Variants in NLRC3 observed in about 807,000 individuals in gnomAD.
NLRC3 encodes NLR family CARD domain-containing protein 3.
A neutral mutation model predicts 91.6 loss-of-function variants in NLRC3; 87 were observed. The observed-to-expected ratio is 0.95, with a 90% CI of 0.80 to 1.14. NLRC3 has a LOEUF of 1.14. NLRC3 is among the 50% of genes most tolerant of loss of function. The pLI is 0.00. For synonymous variants in NLRC3, 694 were observed against 625.3 expected (o/e 1.11, Z -1.64); for missense variants, 1,577 against 1,418.6 (o/e 1.11, Z -1.79).
At chr16:3,544,442 C>T (rs2038581680) in intron 15 of NLRC3, 113 bp from the exon 16 acceptor site, 3 of 706,184 alleles carry the variant, frequency 4.2e-6, no homozygotes, top group Non-Finnish European at 5.0e-6. Flanking sequence ...CATAGACACT[C>T]CCAGGGTTTC....
At chr16:3,551,766 C>T (rs970297521) in intron 10 of NLRC3, among the ~76,000 whole-genome samples, 5 of 111,526 alleles carry the variant, frequency 4.5e-5, no homozygotes, top group African/African-American at 7.0e-5. Flanking sequence ...AGTCCTCTCA[C>T]CCATCCATCC....
At chr16:3,576,624 G>A (rs1239163692) in intron 1 of NLRC3, among the ~76,000 whole-genome samples, 1 of 152,132 alleles carries the variant, frequency 6.6e-6, no homozygotes, top group Admixed American at 6.5e-5. Context: ...GACCTGTCCT[G>A]GGCCATTCTT....
In NLRC3 at chr16:3,564,799, A is replaced by G; in HGVS notation, c.179-41T>C. 3.2e-6 allele frequency: 5 copies of G among 1,567,988 alleles called. No individual in the cohort carries two copies. Among genetic ancestry groups the G allele is most frequent in the Non-Finnish European group, 4.3e-6 (5 of 1,159,222 alleles). ...CAGTGGGGAGGTCTGGTAAGGGAAG[A>G]GTGGGCACAATCAGCCCAGGTGTTC... On this transcript the variant is annotated intron_variant, in intron 4 of 19. Transcript: ENST00000359128. The surrounding 1 kb of genome is among the most constrained non-coding windows in gnomAD (Gnocchi z 5.9).
rs2038578451 is a variant in NLRC3, at chr16:3,544,397, A to C, written c.2772-68T>G. The C allele has an allele frequency of 3.3e-5, 37 of 1,114,658 alleles. No individual in the cohort carries two copies. In the South Asian group the frequency reaches 4.1e-4, roughly 12 times the overall value. The allele number at this position is 1,114,658 out of a possible 1,614,324, so 69.0% of individuals were successfully genotyped here. On this transcript the variant is annotated intron_variant, in intron 15 of 19. Transcript: ENST00000359128. ...GAGCATTCTAGCAAGGCCCTGCCGCACTTGGACCTGCCAGGTTTAACCGAC... is the reference window on the plus strand; with the variant it reads ...GAGCATTCTAGCAAGGCCCTGCCGCCCTTGGACCTGCCAGGTTTAACCGAC...
rs772978186 is a variant in NLRC3, at chr16:3,564,979, A to G, written c.58T>C (p.Ser20Pro). The change falls in exon 4 of 20, where the codon TCC (serine) becomes CCC (proline). Residue 20 changes from serine to proline, a missense_variant. Coordinates refer to ENST00000359128, the MANE Select transcript of NLRC3 (RefSeq NM_178844.4). The surrounding 1 kb of genome is among the most constrained non-coding windows in gnomAD (Gnocchi z 5.9). ...REAGQGHGTG[S>P]PAEQVKALMD... ...AGGGCTTTCACCTGCTCGGCTGGGG[A>G]GCCCGTACCGTGGCCCTGGCCGGCC... 6 of 1,610,338 alleles carry G rather than the reference A, an allele frequency of 3.7e-6. No homozygotes were observed. The highest frequency in any genetic ancestry group is 4.2e-6 in the Non-Finnish European group (5 of 1,179,730).
chr16:3,543,972 G>A (rs754175465), intron 16 of NLRC3: 2 of 418,790 alleles, frequency 4.8e-6, no homozygotes, highest in Non-Finnish European at 8.7e-6. Flanking sequence ...TGGCCAATAT[G>A]GTGAAACCCC....
Position 3,562,720 on chromosome 16 carries a change from G to A in NLRC3, c.1928+289C>T, listed in dbSNP as rs182177331. Among the ~76,000 whole-genome samples the A allele has an allele frequency of 4.3e-4, 66 of 152,186 alleles. 1 individual carries two copies. The highest frequency in any genetic ancestry group is 3.4e-3 in the Middle Eastern group (1 of 294). ...AGGCGACGGGAGAGACTGAAGTAAC[G>A]CAGCCTTAAGCCAAGGGTTCCCATC... On this transcript the variant is annotated intron_variant, in intron 5 of 19. Transcript: ENST00000359128.
rs2039403330 is a variant in NLRC3 at position 3,557,577 on chromosome 16, G to C, written c.2099+16C>G. The C allele has an allele frequency of 3.2e-6, 5 of 1,575,114 alleles. No homozygotes were observed. In the South Asian group the frequency reaches 3.3e-5, roughly 11 times the overall value. Reference sequence around the variant, plus strand: ...GTTCCAATGGCAAAAGTTCGGCCTTGGTTGTCCTTACTTACTCCAGAGAGG... The same window carrying C: ...GTTCCAATGGCAAAAGTTCGGCCTTCGTTGTCCTTACTTACTCCAGAGAGG... On this transcript the variant is annotated intron_variant, in intron 7 of 19. Coordinates refer to ENST00000359128, the MANE Select transcript of NLRC3 (RefSeq NM_178844.4).
Position 3,544,499 on chromosome 16 carries a change from C to T in NLRC3, c.2772-170G>A, listed in dbSNP as rs116879466. 8.4e-3 allele frequency: 5,115 copies of T among 605,596 alleles called. 39 individuals are homozygous for T. Among genetic ancestry groups the T allele is most frequent in the Non-Finnish European group, 0.011 (3,750 of 335,356 alleles). 37.5% of individuals were successfully genotyped at this position (605,596 alleles called of 1,614,324 possible). ...CCACAGGCCCTGCAGCCCGCCGCCTCATACTAAGCACACAGAGGCGTCTGG... is the reference window on the plus strand; with the variant it reads ...CCACAGGCCCTGCAGCCCGCCGCCTTATACTAAGCACACAGAGGCGTCTGG... On this transcript the variant is annotated intron_variant, in intron 15 of 19. Transcript: ENST00000359128.
chr16:3,557,674 A>G lies in NLRC3; in HGVS notation c.2018T>C (p.Leu673Ser). The change falls in exon 7 of 20, where the codon TTG becomes TCG. Residue 673 changes from leucine to serine, a missense_variant and splice_region_variant. Coordinates refer to ENST00000359128, the MANE Select transcript of NLRC3 (RefSeq NM_178844.4). ...TTTGTTACTGATCTGGTTCTCCGCC[A>G]AGCTGCCCAAGGAAAGGGAGAGGAG... ...GKDCRIQKISLAENQISNKGA... is the reference protein window; with the variant it reads ...GKDCRIQKISSAENQISNKGA... The G allele has an allele frequency of 1.9e-6, 3 of 1,611,294 alleles. No homozygotes were observed. Among genetic ancestry groups the G allele is most frequent in the Non-Finnish European group, 2.5e-6 (3 of 1,177,766 alleles).
intron 12 of NLRC3, among the ~76,000 whole-genome samples, 168 bp downstream of exon 12, chr16:3,549,529 G>A (rs78572434): frequency 0.05 from 7,675 of 152,200 alleles, 253 homozygotes; most frequent in Admixed American, 0.073. Flanking sequence ...GGGCCACTGC[G>A]GGCAGCAGCT....
In NLRC3 at chr16:3,562,897, C is replaced by T. The variant is rs147125672; in HGVS notation, c.1928+112G>A. On this transcript the variant is annotated intron_variant, in intron 5 of 19. Transcript: ENST00000359128. ...TTTAAGCCACCAAGTTCATGGTCCT[C>T]TGTTACGGCAGCCCTAGGAGACTGA... The T allele has an allele frequency of 5.3e-4, 525 of 987,846 alleles. 1 individual carries two copies. The African/African-American group carries it at 7.1e-3, about 13-fold the overall frequency. 61.2% of individuals were successfully genotyped at this position (987,846 alleles called of 1,614,324 possible).
chr16:3,545,874 T>C (rs1051211515), intron 15 of NLRC3: 4 of 152,350 alleles, frequency 2.6e-5, no homozygotes, highest in African/African-American at 9.7e-5. Flanking sequence ...GTGTGTACTT[T>C]ACTCTGCAGG....
At chr16:3,569,238 C>T (rs1243372425) in intron 1 of NLRC3, among the ~76,000 whole-genome samples, 2 of 149,076 alleles carry the variant, frequency 1.3e-5, no homozygotes, top group Non-Finnish European at 3.0e-5. Context: ...CGCTTGAACC[C>T]GAGAGGAGGA....
intron 16 of NLRC3, 46 bp downstream of exon 16, chr16:3,544,200 G>T: frequency 1.7e-6 from 2 of 1,152,288 alleles, no homozygotes; most frequent in South Asian, 1.3e-5. Flanking sequence ...GTGAAAGGAT[G>T]GCGAAGGGAC....
chr16:3,561,652 A>G (rs1469674872), intron 6 of NLRC3, 50 bp downstream of exon 6: 1 of 1,279,940 alleles, frequency 7.8e-7, no homozygotes, highest in Admixed American at 1.7e-5. Flanking sequence ...AGAGGGTTCC[A>G]TACCCCACAA....
chr16:3,548,010 C>A, intron 15 of NLRC3, 125 bp downstream of exon 15: 1 of 655,650 alleles, frequency 1.5e-6, no homozygotes, highest in Non-Finnish European at 2.7e-6. Context: ...AACATGCCAG[C>A]TGGCCTTAGG....
At chr16:3,551,880 C>A (rs977827860) in intron 10 of NLRC3, among the ~76,000 whole-genome samples, 1 of 151,168 alleles carries the variant, frequency 6.6e-6, no homozygotes, top group African/African-American at 2.4e-5. Flanking sequence ...CATCCATCCA[C>A]CCACCCATAT....
chr16:3,552,375 G>A, intron 9 of NLRC3, 96 bp from the exon 10 acceptor site: 1 of 820,242 alleles, frequency 1.2e-6, no homozygotes, highest in Non-Finnish European at 2.1e-6. Context: ...CAACTAGTGT[G>A]CCCTCTACAT....
Sources: allele counts gnomAD v4.1 joint callset (sites outside exome capture counted in the v4.1 genomes callset), GRCh38; gene constraint gnomAD v4.1.1; non-coding constraint Gnocchi (gnomAD v3.1); transcripts MANE v1.5; gene names NCBI Gene and HGNC (gene_info 2026-07-23, HGNC 2026-07-21).